Variants in EXOSC8 observed in about 807,000 individuals in gnomAD.
The protein encoded by EXOSC8 is exosome complex component RRP43.
A neutral mutation model predicts 39.9 loss-of-function variants in EXOSC8; 37 were observed. That is an observed-to-expected ratio of 0.93 (90% CI 0.71 to 1.22). EXOSC8 has a LOEUF of 1.22. Among genes scored for constraint, EXOSC8 ranks in the 50% most tolerant of loss-of-function variants. The pLI, the probability that EXOSC8 is intolerant of heterozygous loss-of-function variation, is 0.00. For synonymous variants in EXOSC8, 93 were observed against 109.5 expected, an observed-to-expected ratio of 0.85 and a Z score of 0.94; for missense variants, 313 against 326.6, an observed-to-expected ratio of 0.96 and a Z score of 0.32.
chr13:37,002,657 A>AT lies in EXOSC8; in HGVS notation c.118+114dup, dbSNP rs916022044. The AT allele has an allele frequency of 7.3e-5, 61 of 831,996 alleles. 1 individual carries two copies. Among genetic ancestry groups the AT allele is most frequent in the South Asian group, 2.5e-4 (14 of 55,754 alleles). The allele number at this position is 831,996 out of a possible 1,614,324, so 51.5% of individuals were successfully genotyped here. On this transcript the variant is annotated intron_variant, in intron 3 of 10. Transcript: ENST00000389704. Reference sequence around the variant, plus strand: ...AATTCTTTGTCTAAAGGATTTGATGATTTTTTTTGTCAAGAGATTTTTATC... The same window carrying AT: ...AATTCTTTGTCTAAAGGATTTGATGATTTTTTTTTGTCAAGAGATTTTTATC...
Position 37,000,828 on chromosome 13 carries a change from T to C in EXOSC8, c.17+6T>C, listed in dbSNP as rs2059093983. 3.8e-6 allele frequency: 6 copies of C among 1,570,748 alleles called. No homozygotes were observed. The East Asian group carries it at 1.2e-4, about 32-fold the overall frequency. On this transcript the variant is annotated splice_donor_region_variant and intron_variant, in intron 1 of 10. Coordinates refer to ENST00000389704, the MANE Select transcript of EXOSC8 (RefSeq NM_181503.3). ...AAGATGGCGGCTGGGTTCAAGTGAG[T>C]GTTGGCGGGTGGCGGGTAGAGTTCT...
rs1031411772 is a variant in EXOSC8, at chr13:37,004,413, C to T, written c.193-103C>T. 4 of 777,152 alleles carry T rather than the reference C, an allele frequency of 5.1e-6. No homozygotes were observed. The African/African-American group carries it at 5.2e-5, about 10-fold the overall frequency. 48.1% of individuals were successfully genotyped at this position (777,152 alleles called of 1,614,324 possible). A position where few individuals can be genotyped will look rare whatever the true frequency, so the allele number is the denominator to read the frequency against. Reference sequence around the variant, plus strand: ...GTCCGTAGAGGCCCTGACACAATTCCCTAAGCTGATATTTGATAGAGCCTT... The same window carrying T: ...GTCCGTAGAGGCCCTGACACAATTCTCTAAGCTGATATTTGATAGAGCCTT... On this transcript the variant is annotated intron_variant, in intron 4 of 10. Coordinates refer to ENST00000389704, the MANE Select transcript of EXOSC8 (RefSeq NM_181503.3).
intron 4 of EXOSC8, 52 bp from the exon 5 acceptor site, chr13:37,004,464 C>T: frequency 7.5e-7 from 1 of 1,333,186 alleles, no homozygotes; most frequent in Non-Finnish European, 1.1e-6. Flanking sequence ...AAATTGTCTT[C>T]ATAATTTTTC....
In EXOSC8 at chr13:37,007,480, T is replaced by C. The variant is rs149169892; in HGVS notation, c.487+409T>C. 2.4e-3 allele frequency among the ~76,000 whole-genome samples: 366 copies of C among 152,350 alleles called. 3 individuals are homozygous for C. The highest frequency in any genetic ancestry group is 8.1e-3 in the African/African-American group (338 of 41,594). ...GAAGTTTCTTAGCAAGGAGTCTAGGTTGACTGATTAGTTACAGATTTCAAT... is the reference window on the plus strand; with the variant it reads ...GAAGTTTCTTAGCAAGGAGTCTAGGCTGACTGATTAGTTACAGATTTCAAT... On this transcript the variant is annotated intron_variant, in intron 8 of 10. Coordinates refer to ENST00000389704, the MANE Select transcript of EXOSC8 (RefSeq NM_181503.3).
chr13:37,004,019 C>A (rs1593698996), intron 4 of EXOSC8: 1 of 152,450 alleles, frequency 6.6e-6, no homozygotes, highest in Non-Finnish European at 1.5e-5. Context: ...TTACAGGCGC[C>A]CGCCACCATG....
chr13:37,008,295 C>T lies in EXOSC8; in HGVS notation c.608+118C>T, dbSNP rs894804731. The T allele has an allele frequency of 3.7e-6, 3 of 813,438 alleles. No individual in the cohort carries two copies. The East Asian group carries it at 7.6e-5, about 21-fold the overall frequency. 50.4% of individuals were successfully genotyped at this position (813,438 alleles called of 1,614,324 possible). On this transcript the variant is annotated intron_variant, in intron 9 of 10. Coordinates refer to ENST00000389704, the MANE Select transcript of EXOSC8 (RefSeq NM_181503.3). ...ACCCTACATCCTAGTTTTCCCTGGACACTTGAGTTTCTACTTGTCCCTGCA... is the reference window on the plus strand; with the variant it reads ...ACCCTACATCCTAGTTTTCCCTGGATACTTGAGTTTCTACTTGTCCCTGCA...
chr13:37,005,893 T>C (rs1392418236), intron 5 of EXOSC8, 27 bp from the exon 6 acceptor site: 2 of 1,058,522 alleles, frequency 1.9e-6, no homozygotes, highest in Non-Finnish European at 2.8e-6. Context: ...AAAGGTTTAG[T>C]TCATAGCTGC....
chr13:37,000,811 G>C lies in EXOSC8; in HGVS notation c.6G>C (p.Ala2=). Residue 2 remains alanine (A), a synonymous_variant, in exon 1 of 11, where the codon GCG becomes GCC. Transcript: ENST00000389704. M[A]AGFKTVEPLE... ...GCAGACGCGCGGGCGGGAAGATGGCGGCTGGGTTCAAGTGAGTGTTGGCGG... is the reference window on the plus strand; with the variant it reads ...GCAGACGCGCGGGCGGGAAGATGGCCGCTGGGTTCAAGTGAGTGTTGGCGG... 1.3e-6 allele frequency: 2 copies of C among 1,582,580 alleles called. No individual in the cohort carries two copies. Among genetic ancestry groups the C allele is most frequent in the East Asian group, 2.3e-5 (1 of 42,590 alleles).
In EXOSC8 at chr13:37,007,032, G is replaced by A; in HGVS notation, c.448G>A (p.Asp150Asn). The A allele has an allele frequency of 1.9e-6, 3 of 1,613,610 alleles. No homozygotes were observed. Residue 150 changes from aspartate (D) to asparagine (N), a missense_variant, in exon 8 of 11, where the codon GAT (aspartate) becomes AAT (asparagine). Transcript: ENST00000389704. Reference sequence around the variant, plus strand: ...CCTCGACTACGATGGAAACATTTTGGATGCCTGCACATTTGCTTTGCTAGC... The same window carrying A: ...CCTCGACTACGATGGAAACATTTTGAATGCCTGCACATTTGCTTTGCTAGC... ...ICLDYDGNIL[D>N]ACTFALLAAL...
chr13:37,007,413 G>A (rs931018831), intron 8 of EXOSC8, among the ~76,000 whole-genome samples: 8 of 152,200 alleles, frequency 5.3e-5, no homozygotes, highest in African/African-American at 1.9e-4. Flanking sequence ...AAAAGAAGTA[G>A]AATGGATTCT....
chr13:37,006,132 A>C lies in EXOSC8; in HGVS notation c.362A>C (p.Lys121Thr), dbSNP rs2059137503. 6.2e-7 allele frequency: 1 copy of C among 1,610,722 alleles called. No individual in the cohort carries two copies. The highest frequency in any genetic ancestry group is 8.5e-7 in the Non-Finnish European group (1 of 1,177,046). Residue 121 changes from lysine to threonine, a missense_variant, in exon 7 of 11, where the codon AAA (lysine) becomes ACA (threonine). Physicochemically the swap from Lys to Thr is moderately conservative, Grantham distance 78. Transcript: ENST00000389704. ...AAATCAAGTTCACAGATAATTCAGAAAGAGGACTTATGCATTTCTCCAGGA... is the reference window on the plus strand; with the variant it reads ...AAATCAAGTTCACAGATAATTCAGACAGAGGACTTATGCATTTCTCCAGGA... Reference protein sequence around the residue: ...DVIENSQIIQKEDLCISPGKL... With the variant: ...DVIENSQIIQTEDLCISPGKL...
At chr13:37,007,756 G>C (rs990918267) in intron 8 of EXOSC8, among the ~76,000 whole-genome samples, 2 of 151,822 alleles carry the variant, frequency 1.3e-5, no homozygotes, top group Non-Finnish European at 2.9e-5. Context: ...GTATTGATTA[G>C]GTGAATACAA....
At position 37,002,972 on chromosome 13, in the gene EXOSC8, T is replaced by G. The variant is rs755047567; in HGVS notation, c.157T>G (p.Leu53Val). 14 of 1,610,218 alleles carry G rather than the reference T, an allele frequency of 8.7e-6. No individual in the cohort carries two copies. Among genetic ancestry groups the G allele is most frequent in the African/African-American group, 2.7e-5 (2 of 74,836 alleles). The change falls in exon 4 of 11, where the codon TTG (leucine) becomes GTG (valine). Residue 53 changes from leucine to valine, a missense_variant. By Grantham distance (32) the Leu-to-Val change is conservative. Transcript: ENST00000389704. The stretch of plus-strand genomic sequence containing the variant: ...CGCAGATGGTTCTGCTTTAGTGAAG[T>G]TGGGAAATACTACAGTAATCTGTGG... ...STADGSALVK[L>V]GNTTVICGVK... is the part of the protein sequence containing the mutation.
At chr13:37,002,913 T>C (rs1382603438) in intron 3 of EXOSC8, 21 bp from the exon 4 acceptor site, 31 of 1,562,626 alleles carry the variant, frequency 2.0e-5, no homozygotes, top group Non-Finnish European at 2.7e-5. Flanking sequence ...TATGAACCTT[T>C]CATTTTGCTT....
chr13:37,003,126 T>A, intron 4 of EXOSC8, 119 bp downstream of exon 4: 1 of 645,256 alleles, frequency 1.5e-6, no homozygotes. Context: ...TTTTTAATGT[T>A]TAATTTCCCA....
chr13:37,008,165 C>A lies in EXOSC8; in HGVS notation c.596C>A (p.Ala199Asp). The A allele has an allele frequency of 6.3e-7, 1 of 1,597,254 alleles. No individual in the cohort carries two copies. Among genetic ancestry groups the A allele is most frequent in the Non-Finnish European group, 8.5e-7 (1 of 1,173,188 alleles). The change falls in exon 9 of 11, where the codon GCT (alanine) becomes GAT (aspartate). Residue 199 changes from alanine to aspartate, a missense_variant. Physicochemically the swap from Ala to Asp is moderately radical, Grantham distance 126. Coordinates refer to ENST00000389704, the MANE Select transcript of EXOSC8 (RefSeq NM_181503.3). The stretch of plus-strand genomic sequence containing the variant: ...ACTCATCCAGTTGCAACTTCCTTTG[C>A]TGTGTTTGATGAGTAAGTTAATCAA... The part of the protein sequence containing the change: ...IRTHPVATSF[A>D]VFDDTLLIVD...
chr13:37,001,586 A>G (rs1025137786), intron 1 of EXOSC8: 5 of 152,250 alleles, frequency 3.3e-5, no homozygotes, highest in African/African-American at 1.2e-4. Flanking sequence ...AAGGAAATCC[A>G]TTATGTTGAA....
chr13:37,002,689 A>G (rs1045515300), intron 3 of EXOSC8, 138 bp downstream of exon 3: 3 of 680,774 alleles, frequency 4.4e-6, no homozygotes, highest in African/African-American at 3.6e-5. Flanking sequence ...TATCCGTACA[A>G]AAGCCCTGTA....
chr13:37,004,483 C>T (rs1294578648), intron 4 of EXOSC8, 33 bp from the exon 5 acceptor site: 1 of 1,533,436 alleles, frequency 6.5e-7, no homozygotes, highest in African/African-American at 1.4e-5. Context: ...TCAGTAGCTT[C>T]TTTCAATAGG....
Sources: allele counts gnomAD v4.1 joint callset (sites outside exome capture counted in the v4.1 genomes callset), GRCh38; gene constraint gnomAD v4.1.1; transcripts MANE v1.5; gene names NCBI Gene and HGNC (gene_info 2026-07-23, HGNC 2026-07-21).